Variants in PDS5A observed in about 807,000 individuals in gnomAD.
PDS5A encodes PDS5 cohesin associated factor A.
Under a neutral mutation model 167.1 loss-of-function variants are expected in PDS5A, and 42 were observed. The observed-to-expected ratio is 0.25, with a 90% CI of 0.20 to 0.33. PDS5A has a LOEUF of 0.33. Ranked by LOEUF, PDS5A falls within the 10% of genes least tolerant of loss-of-function variation. The pLI is 1.00. For synonymous variants in PDS5A, 553 were observed against 554.6 expected, an observed-to-expected ratio of 1.00 and a Z score of 0.04; for missense variants, 1,033 against 1,605.9, an observed-to-expected ratio of 0.64 and a Z score of 6.10.
chr4:39,855,251 T>A (rs539609249), intron 26 of PDS5A, among the ~76,000 whole-genome samples: 4 of 152,196 alleles, frequency 2.6e-5, no homozygotes, highest in East Asian at 1.9e-4. Flanking sequence ...ACCATAAAGA[T>A]AACAGAACTA....
chr4:39,919,037 A>G (rs1273932085), intron 7 of PDS5A, among the ~76,000 whole-genome samples: 1 of 152,344 alleles, frequency 6.6e-6, no homozygotes, highest in East Asian at 1.9e-4. Flanking sequence ...GAATTAAGAA[A>G]TGTATTCAAG....
intron 2 of PDS5A, among the ~76,000 whole-genome samples, chr4:39,959,996 G>A (rs1244929765): frequency 6.6e-6 from 1 of 152,150 alleles, no homozygotes; most frequent in African/African-American, 2.4e-5. Flanking sequence ...GGGAGGCTGA[G>A]GCAGGAGAAT....
At chr4:39,864,090 A>T (rs934650364) in intron 23 of PDS5A, among the ~76,000 whole-genome samples, 3 of 152,078 alleles carry the variant, frequency 2.0e-5, no homozygotes, top group African/African-American at 7.2e-5. Context: ...AGGTCGCACC[A>T]CTGCACTCTA....
intron 2 of PDS5A, among the ~76,000 whole-genome samples, chr4:39,948,834 A>G (rs1728048083): frequency 6.6e-6 from 1 of 152,040 alleles, no homozygotes; most frequent in South Asian, 2.1e-4. Context: ...CATGTTGGCC[A>G]GGCTGGTCTT....
rs1350417135 is a variant in PDS5A at position 39,838,048 on chromosome 4, C to T, written c.3818G>A (p.Arg1273Gln). ...PAPSKPRRGR[R>Q]PKSESQGNAT... ...ATTGCCCTGAGATTCAGACTTGGGT[C>T]GACGTCCTCTCCTGGGTTTGGAAGG... The change falls in exon 32 of 33, where the codon CGA becomes CAA. Residue 1273 changes from arginine (R) to glutamine (Q), a missense_variant. Around this residue, in one of 4 missense-constraint regions of PDS5A, gnomAD observed 233 missense variants for 264.0 expected, o/e 0.88. Transcript: ENST00000303538. 2 of 1,613,924 alleles carry T rather than the reference C, an allele frequency of 1.2e-6. No individual in the cohort carries two copies. The highest frequency in any genetic ancestry group is 1.7e-5 in the Admixed American group (1 of 59,996).
intron 23 of PDS5A, among the ~76,000 whole-genome samples, chr4:39,866,035 T>C (rs1719418996): frequency 6.6e-6 from 1 of 152,216 alleles, no homozygotes; most frequent in African/African-American, 2.4e-5. Flanking sequence ...TGTGTGCACA[T>C]ACAAGTGTAC....
intron 2 of PDS5A, among the ~76,000 whole-genome samples, chr4:39,961,321 T>C (rs1421160682): frequency 6.6e-6 from 1 of 152,014 alleles, no homozygotes; most frequent in Non-Finnish European, 1.5e-5. Context: ...TTTTTTGAGA[T>C]GGAGTCTTGC....
chr4:39,928,752 G>A (rs1391014434), intron 2 of PDS5A, among the ~76,000 whole-genome samples: 4 of 151,512 alleles, frequency 2.6e-5, no homozygotes, highest in Non-Finnish European at 4.4e-5. Flanking sequence ...TTGAGCCCAG[G>A]AGGCGGAGGC....
intron 17 of PDS5A, among the ~76,000 whole-genome samples, chr4:39,880,582 T>C (rs1720844775): frequency 1.3e-5 from 2 of 152,174 alleles, no homozygotes; most frequent in Non-Finnish European, 2.9e-5. Context: ...TAATTTTTTT[T>C]TCCTTTGGTG....
At chr4:39,895,199 CA>C (rs34303340) in intron 16 of PDS5A, among the ~76,000 whole-genome samples, 15,579 of 92,638 alleles carry the variant, frequency 0.17, 357 homozygotes, top group Middle Eastern at 0.19. Flanking sequence ...GACTCCGTCT[CA>C]AAAAAAAAAA....
At chr4:39,927,322 T>C (rs1226754336) in intron 3 of PDS5A, among the ~76,000 whole-genome samples, 4 of 152,192 alleles carry the variant, frequency 2.6e-5, no homozygotes, top group Non-Finnish European at 4.4e-5. Context: ...AACAGACTAG[T>C]CCAATGGTTC....
intron 2 of PDS5A, among the ~76,000 whole-genome samples, chr4:39,945,305 C>T (rs1452357356): frequency 6.6e-6 from 1 of 151,430 alleles, no homozygotes; most frequent in Admixed American, 6.6e-5. Context: ...ACTAAAAATA[C>T]AAAAAATTAG....
At chr4:39,972,541 A>C (rs1205970071) in intron 2 of PDS5A, among the ~76,000 whole-genome samples, 2 of 151,938 alleles carry the variant, frequency 1.3e-5, no homozygotes, top group Non-Finnish European at 2.9e-5. Context: ...AAATAAATAA[A>C]AAATAAAAAT....
intron 2 of PDS5A, among the ~76,000 whole-genome samples, chr4:39,952,245 T>C (rs1389793741): frequency 1.3e-5 from 2 of 152,052 alleles, no homozygotes; most frequent in Admixed American, 6.6e-5. Flanking sequence ...GCAGGAGAAC[T>C]GCTTGAACCC....
At chr4:39,940,134 T>G (rs1165642937) in intron 2 of PDS5A, among the ~76,000 whole-genome samples, 1 of 151,294 alleles carries the variant, frequency 6.6e-6, no homozygotes, top group Non-Finnish European at 1.5e-5. Context: ...GGCAGGTGCC[T>G]GTAATCTCAG....
At chr4:39,910,165 A>C (rs1033441604) in intron 10 of PDS5A, 79 bp downstream of exon 10, 1 of 689,342 alleles carries the variant, frequency 1.5e-6, no homozygotes, top group Non-Finnish European at 2.5e-6. Flanking sequence ...CTACTTGGAA[A>C]GTGAAGTTAG....
chr4:39,955,884 G>A (rs962768634), intron 2 of PDS5A, among the ~76,000 whole-genome samples: 1 of 152,038 alleles, frequency 6.6e-6, no homozygotes, highest in African/African-American at 2.4e-5. Flanking sequence ...GGGGGCCAAG[G>A]CAGGTGGATT....
chr4:39,890,150 A>G, intron 17 of PDS5A, 99 bp downstream of exon 17: 1 of 635,302 alleles, frequency 1.6e-6, no homozygotes, highest in Non-Finnish European at 2.8e-6. Flanking sequence ...AGAGACATAC[A>G]GAGGTTTTCA....
At chr4:39,935,040 T>G (rs1045470996) in intron 2 of PDS5A, among the ~76,000 whole-genome samples, 1 of 152,350 alleles carries the variant, frequency 6.6e-6, no homozygotes, top group Admixed American at 6.5e-5. Flanking sequence ...ATCAATTATT[T>G]TCTTTTATGG....
Sources: allele counts gnomAD v4.1 joint callset (sites outside exome capture counted in the v4.1 genomes callset), GRCh38; gene constraint gnomAD v4.1.1; regional missense constraint gnomAD v4.1.1; transcripts MANE v1.5; gene names NCBI Gene and HGNC (gene_info 2026-07-23, HGNC 2026-07-21).